Variants in S100Z observed in about 807,000 individuals in gnomAD.
S100Z encodes protein S100-Z.
In S100Z, 11 loss-of-function variants were observed where a neutral mutation model predicts 8.5. That is an observed-to-expected ratio of 1.30 (90% CI 0.82 to 2.15). The LOEUF is 2.15. Ranked by LOEUF, S100Z falls within the 30% of genes most tolerant of loss-of-function variation. The probability of loss-of-function intolerance (pLI) is 0.00; values close to 1 mark genes in which losing one functional copy is unlikely to be tolerated. For synonymous variants in S100Z, 34 were observed against 43.8 expected (o/e 0.78, Z 0.89); for missense variants, 126 against 117.9 (o/e 1.07, Z -0.32).
intron 4 of S100Z, among the ~76,000 whole-genome samples, chr5:76,888,449 C>T (rs1421122986): frequency 8.0e-6 from 1 of 124,792 alleles, no homozygotes; most frequent in Non-Finnish European, 1.6e-5. Flanking sequence ...GACCTCGGCT[C>T]ACTGCAAGCT....
chr5:76,914,583 G>A (rs554781270), intron 4 of S100Z, among the ~76,000 whole-genome samples: 3 of 152,126 alleles, frequency 2.0e-5, no homozygotes, highest in Admixed American at 1.3e-4. Flanking sequence ...CTTTGGGTCC[G>A]CACTAACTTC....
intron 4 of S100Z, among the ~76,000 whole-genome samples, chr5:76,917,820 CA>C (rs10665272): frequency 1.3e-3 from 170 of 130,578 alleles, no homozygotes; most frequent in South Asian, 7.4e-3. Flanking sequence ...AAGACTGTCT[CA>C]AAAAAAAAAA....
At chr5:76,929,118 A>G in the S100Z span, among the ~76,000 whole-genome samples, 1 of 152,236 alleles carries the variant, frequency 6.6e-6, no homozygotes. Context: ...GTCAACCTTA[A>G]TGATGGATGT....
chr5:76,871,109 T>G (rs893257991), intron 2 of S100Z, among the ~76,000 whole-genome samples: 1 of 152,176 alleles, frequency 6.6e-6, no homozygotes, highest in Admixed American at 6.5e-5. Flanking sequence ...TCTTTCCTTT[T>G]GGGATACCAA....
the S100Z span, among the ~76,000 whole-genome samples, chr5:76,936,055 GC>G: frequency 1.3e-5 from 2 of 152,116 alleles, no homozygotes; most frequent in Non-Finnish European, 2.9e-5. Context: ...GGGATTACAG[GC>G]GTGAGCCACC....
At chr5:76,907,173 T>C (rs1035475189) in intron 4 of S100Z, among the ~76,000 whole-genome samples, 2 of 151,946 alleles carry the variant, frequency 1.3e-5, no homozygotes, top group Non-Finnish European at 2.9e-5. Flanking sequence ...TTGAATTATC[T>C]TTGCACCTTT....
At chr5:76,917,233 TC>T (rs1294232029) in intron 4 of S100Z, among the ~76,000 whole-genome samples, 1 of 152,182 alleles carries the variant, frequency 6.6e-6, no homozygotes, top group Non-Finnish European at 1.5e-5. Flanking sequence ...TATAATTGTT[TC>T]AAAATAAGTT....
intron 4 of S100Z, among the ~76,000 whole-genome samples, chr5:76,882,055 G>A (rs192228507): frequency 5.3e-5 from 8 of 152,300 alleles, no homozygotes; most frequent in East Asian, 3.9e-4. Context: ...ATATTGACGC[G>A]TAGTCCCTTT....
chr5:76,947,601 C>T, the S100Z span, among the ~76,000 whole-genome samples: 1 of 152,162 alleles, frequency 6.6e-6, no homozygotes, highest in Non-Finnish European at 1.5e-5. Context: ...ACCACACTTC[C>T]TGATTTCAAA....
chr5:76,921,429 A>G lies in S100Z; in HGVS notation c.*715A>G, dbSNP rs995386470. 1.3e-5 allele frequency: 2 copies of G among 152,236 alleles called. No individual in the cohort carries two copies. Among genetic ancestry groups the G allele is most frequent in the African/African-American group, 4.8e-5 (2 of 41,464 alleles). 9.4% of individuals were successfully genotyped at this position (152,236 alleles called of 1,614,324 possible). ...CTCTTAATTTTACAAATGAAGAAATAAAGTCCCAGAAGGTAACAGAGATAG... is the reference window on the plus strand; with the variant it reads ...CTCTTAATTTTACAAATGAAGAAATGAAGTCCCAGAAGGTAACAGAGATAG... On this transcript the variant is annotated 3_prime_UTR_variant, in exon 5 of 5. Coordinates refer to ENST00000317593, the MANE Select transcript of S100Z (RefSeq NM_130772.4).
chr5:76,920,560 C>T (rs1016595150), intron 4 of S100Z, among the ~76,000 whole-genome samples, 157 bp from the exon 5 acceptor site: 1 of 152,168 alleles, frequency 6.6e-6, no homozygotes, highest in Non-Finnish European at 1.5e-5. Context: ...ATGGAGCGCT[C>T]CTCACTCTCC....
chr5:76,857,412 C>T (rs1171396212), intron 1 of S100Z, among the ~76,000 whole-genome samples: 4 of 152,034 alleles, frequency 2.6e-5, no homozygotes, highest in African/African-American at 4.8e-5. Context: ...AAGTGATACC[C>T]GTGCTTCCAT....
chr5:76,942,511 T>A, the S100Z span, among the ~76,000 whole-genome samples: 1 of 151,816 alleles, frequency 6.6e-6, no homozygotes, highest in Admixed American at 6.6e-5. Flanking sequence ...GAAACTTGTT[T>A]GTTTGCACAA....
chr5:76,947,096 G>T, the S100Z span, among the ~76,000 whole-genome samples: 1 of 152,248 alleles, frequency 6.6e-6, no homozygotes, highest in South Asian at 2.1e-4. Context: ...ATTGTTGGTG[G>T]CCTGTTTACC....
At chr5:76,903,636 T>C (rs1423619374) in intron 4 of S100Z, among the ~76,000 whole-genome samples, 1 of 152,164 alleles carries the variant, frequency 6.6e-6, no homozygotes, top group Non-Finnish European at 1.5e-5. Context: ...TAAAGTGTTA[T>C]CTCATTGTAA....
At chr5:76,874,849 A>T (rs6414971) in intron 2 of S100Z, among the ~76,000 whole-genome samples, 107,986 of 151,934 alleles carry the variant, frequency 0.71, 39,486 homozygotes, top group African/African-American at 0.89. Flanking sequence ...TGCCCCAGCA[A>T]GGGTGGAACA....
chr5:76,899,150 C>G (rs917663481), intron 4 of S100Z, among the ~76,000 whole-genome samples: 2 of 151,872 alleles, frequency 1.3e-5, no homozygotes, highest in African/African-American at 4.8e-5. Flanking sequence ...TCCAGGCTGG[C>G]CTTGAACTCC....
rs1368823693 is a variant in S100Z, at chr5:76,875,157, C to G, written c.-56-147C>G. On this transcript the variant is annotated intron_variant, in intron 2 of 4. Transcript: ENST00000317593. ...CCACCCATCTCTGCCTCCCAAAGTG[C>G]TGGGATTACAGGCTTGAGCCACCGC... 9 of 383,648 alleles carry G rather than the reference C, an allele frequency of 2.3e-5. No individual in the cohort carries two copies. The Admixed American group carries it at 3.7e-4, about 16-fold the overall frequency. The allele number at this position is 383,648 out of a possible 1,614,324, so 23.8% of individuals were successfully genotyped here.
intron 4 of S100Z, among the ~76,000 whole-genome samples, chr5:76,895,029 T>C (rs1561241478): frequency 1.3e-5 from 2 of 152,182 alleles, no homozygotes; most frequent in African/African-American, 4.8e-5. Context: ...ACAAACCCTA[T>C]TCTTACAAAC....
Sources: allele counts gnomAD v4.1 joint callset (sites outside exome capture counted in the v4.1 genomes callset), GRCh38; gene constraint gnomAD v4.1.1; transcripts MANE v1.5; gene names NCBI Gene and HGNC (gene_info 2026-07-23, HGNC 2026-07-21).